MEIS2: variants seen among roughly 807,000 people sequenced by gnomAD.
MEIS2 encodes homeobox protein Meis2.
MEIS2 carries 9 observed loss-of-function variants against 58.6 expected under a neutral mutation model. The ratio of observed to expected loss-of-function variants is 0.15; its 90% CI spans 0.09 to 0.27. The LOEUF (loss-of-function observed/expected upper bound fraction) is 0.27. Ranked by LOEUF, MEIS2 falls within the 10% of genes least tolerant of loss-of-function variation. MEIS2 has a pLI of 1.00. For synonymous variants in MEIS2, 221 were observed against 228.4 expected, an observed-to-expected ratio of 0.97 and a Z score of 0.29; for missense variants, 427 against 635.0, an observed-to-expected ratio of 0.67 and a Z score of 3.52.
At chr15:37,086,092 A>G (rs1224761432) in intron 6 of MEIS2, among the ~76,000 whole-genome samples, 1 of 152,236 alleles carries the variant, frequency 6.6e-6, no homozygotes, top group Admixed American at 6.5e-5. Flanking sequence ...CAATGATGTT[A>G]ATTTTATGCA....
intron 8 of MEIS2, among the ~76,000 whole-genome samples, chr15:37,026,667 C>T (rs2061718273): frequency 1.3e-5 from 2 of 151,922 alleles, no homozygotes; most frequent in South Asian, 2.1e-4. Context: ...TAATTAGTGG[C>T]CCATGTTAAT....
intron 8 of MEIS2, among the ~76,000 whole-genome samples, chr15:36,990,641 CTT>C (rs11367124): frequency 3.3e-5 from 5 of 151,286 alleles, no homozygotes; most frequent in Admixed American, 2.6e-4. Context: ...AGTGGGCTTT[CTT>C]TTTTTTTTAC....
upstream of MEIS2, chr15:37,101,065 C>G (rs1005470053): frequency 1.3e-5 from 2 of 151,946 alleles, no homozygotes; most frequent in South Asian, 4.2e-4. Context: ...GCAAGCTCTG[C>G]AGACGGTACC....
At chr15:37,023,687 T>A (rs2061599631) in intron 8 of MEIS2, among the ~76,000 whole-genome samples, 1 of 152,154 alleles carries the variant, frequency 6.6e-6, no homozygotes, top group African/African-American at 2.4e-5. Context: ...GATGAGATGA[T>A]GTGGAGAGAG....
At chr15:36,989,996 G>A (rs1440650247) in intron 8 of MEIS2, among the ~76,000 whole-genome samples, 1 of 152,168 alleles carries the variant, frequency 6.6e-6, no homozygotes, top group Non-Finnish European at 1.5e-5. Context: ...CCAGGCTGGA[G>A]TGCAGTGGCA....
At chr15:37,098,859 G>A in intron 1 of MEIS2, 2 of 954,558 alleles carry the variant, frequency 2.1e-6, no homozygotes, top group Middle Eastern at 5.4e-4. Flanking sequence ...CTCCCCGGGG[G>A]CAGGGAGCGG....
chr15:37,006,157 C>T (rs8041147), intron 8 of MEIS2, among the ~76,000 whole-genome samples: 111,031 of 152,130 alleles, frequency 0.73, 44,350 homozygotes, highest in Non-Finnish European at 0.91. Context: ...CTATTTGGAC[C>T]ACTGATTTTT....
Position 37,099,913 on chromosome 15 carries a change from C to A in MEIS2, c.-447G>T, listed in dbSNP as rs745718409. ...AGCAGCCCACATGTAACCGAACTGT[C>A]GTGTTTCATGGCTTTTTGCCACTCC... On this transcript the variant is annotated 5_prime_UTR_variant, in exon 1 of 12. Transcript: ENST00000561208. The A allele has an allele frequency of 3.1e-5, 5 of 160,432 alleles. No homozygotes were observed. The South Asian group carries it at 9.3e-4, about 30-fold the overall frequency. 9.9% of individuals were successfully genotyped at this position (160,432 alleles called of 1,614,324 possible).
rs1328086652 is a variant in MEIS2 at position 36,898,304 on chromosome 15, C to T, written c.978-1618G>A. 8 of 152,252 alleles carry T rather than the reference C, an allele frequency of 5.3e-5. No homozygotes were observed. In the East Asian group the frequency reaches 1.5e-3, roughly 29 times the overall value. The allele number at this position is 152,252 out of a possible 1,614,324, so 9.4% of individuals were successfully genotyped here. A position where few individuals can be genotyped will look rare whatever the true frequency, so the allele number is the denominator to read the frequency against. ...ATCTACTCTTTCCCCACCACTTTTA[C>T]AGCAACCAAGGAGGACTGACCTGAT... On this transcript the variant is annotated intron_variant, in intron 9 of 11. Transcript: ENST00000561208.
chr15:36,914,471 A>T (rs1217884591), intron 9 of MEIS2, among the ~76,000 whole-genome samples: 1 of 152,208 alleles, frequency 6.6e-6, no homozygotes, highest in African/African-American at 2.4e-5. Flanking sequence ...TGCATTTTCA[A>T]ATATGGACAG....
chr15:37,098,132 G>A lies in MEIS2; in HGVS notation c.80C>T (p.Pro27Leu). 2 of 1,613,468 alleles carry A rather than the reference G, an allele frequency of 1.2e-6. No individual in the cohort carries two copies. Among genetic ancestry groups the A allele is most frequent in the Middle Eastern group, 1.7e-4 (1 of 6,054 alleles). ...VGVPASMYGD[P>L]HAPRPIPPVH... ...CGGGGGGATCGGCCGCGGCGCGTGA[G>A]GGTCTCCGTACATGGAAGCGGGAAC... Residue 27 changes from proline to leucine, a missense_variant, in exon 2 of 12, where the codon CCT becomes CTT. By Grantham distance (98) the Pro-to-Leu change is moderately conservative. Around this residue, in one of 6 missense-constraint regions of MEIS2, gnomAD observed 103 missense variants for 111.8 expected, o/e 0.92. Transcript: ENST00000561208.
intron 9 of MEIS2, among the ~76,000 whole-genome samples, chr15:36,921,813 T>G (rs1310488832): frequency 6.6e-6 from 1 of 151,716 alleles, no homozygotes; most frequent in Non-Finnish European, 1.5e-5. Context: ...AAGACTCAAG[T>G]GCTGGTTGGA....
At chr15:36,958,640 A>T (rs2059074929) in intron 8 of MEIS2, among the ~76,000 whole-genome samples, 1 of 152,222 alleles carries the variant, frequency 6.6e-6, no homozygotes, top group African/African-American at 2.4e-5. Flanking sequence ...CTATTGACTG[A>T]GACTTTAAAG....
At chr15:36,989,681 A>T (rs560180938) in intron 8 of MEIS2, among the ~76,000 whole-genome samples, 19 of 152,330 alleles carry the variant, frequency 1.2e-4, no homozygotes, top group African/African-American at 4.3e-4. Context: ...TCTAGCAGTG[A>T]TACTGCACTT....
intron 8 of MEIS2, among the ~76,000 whole-genome samples, chr15:37,001,041 C>G (rs1204963463): frequency 6.6e-6 from 1 of 152,202 alleles, no homozygotes. Context: ...TTGGTCCCCT[C>G]ACCCTTCTCT....
intron 6 of MEIS2, among the ~76,000 whole-genome samples, chr15:37,089,583 T>G (rs1378105199): frequency 6.6e-6 from 1 of 152,188 alleles, no homozygotes; most frequent in East Asian, 1.9e-4. Flanking sequence ...CTTAGTGGTG[T>G]TAGTAGATCC....
chr15:37,059,877 GTTGCAGT>G (rs1280364228), intron 7 of MEIS2, among the ~76,000 whole-genome samples: 36 of 152,160 alleles, frequency 2.4e-4, no homozygotes, highest in African/African-American at 8.2e-4. Flanking sequence ...GGAGGTGGAG[GTTGCAGT>G]TTGCTGAGAT....
intron 8 of MEIS2, among the ~76,000 whole-genome samples, chr15:37,012,601 A>G (rs983979034): frequency 6.6e-6 from 1 of 152,204 alleles, no homozygotes; most frequent in African/African-American, 2.4e-5. Flanking sequence ...GTGTGTATAC[A>G]TGCATGTGTG....
intron 8 of MEIS2, among the ~76,000 whole-genome samples, chr15:37,001,430 T>C (rs2060723127): frequency 6.6e-6 from 1 of 152,166 alleles, no homozygotes; most frequent in South Asian, 2.1e-4. Flanking sequence ...GGACTCTCAT[T>C]TTCTCATAAA....
Sources: allele counts gnomAD v4.1 joint callset (sites outside exome capture counted in the v4.1 genomes callset), GRCh38; gene constraint gnomAD v4.1.1; regional missense constraint gnomAD v4.1.1; transcripts MANE v1.5; gene names NCBI Gene and HGNC (gene_info 2026-07-23, HGNC 2026-07-21).